Variants in GADL1 observed in about 807,000 individuals in gnomAD.
GADL1 encodes the protein GAD like acidic amino acid decarboxylase 1, also known as acidic amino acid decarboxylase GADL1.
A neutral mutation model predicts 69.5 loss-of-function variants in GADL1; 71 were observed. The ratio of observed to expected loss-of-function variants is 1.02; its 90% CI spans 0.84 to 1.25. GADL1 has a LOEUF of 1.25. Among genes scored for constraint, GADL1 ranks in the 50% most tolerant of loss-of-function variants. GADL1 has a pLI of 0.00. For synonymous variants in GADL1, 254 were observed against 214.4 expected (o/e 1.18, Z -1.62); for missense variants, 737 against 631.8 (o/e 1.17, Z -1.79).
intron 6 of GADL1, among the ~76,000 whole-genome samples, chr3:30,846,716 C>G (rs907585760): frequency 1.3e-5 from 2 of 152,138 alleles, no homozygotes; most frequent in Non-Finnish European, 2.9e-5. Flanking sequence ...CCCAAGAGGC[C>G]AGAACCAGAA....
intron 2 of GADL1, 61 bp from the exon 3 acceptor site, chr3:30,857,202 T>A (rs1196297244): frequency 6.9e-7 from 1 of 1,440,210 alleles, no homozygotes; most frequent in Non-Finnish European, 9.5e-7. Flanking sequence ...GAGAGGATGT[T>A]ACAAACGTGG....
At chr3:30,771,168 A>G (rs1696411675) in intron 14 of GADL1, among the ~76,000 whole-genome samples, 1 of 152,236 alleles carries the variant, frequency 6.6e-6, no homozygotes. Flanking sequence ...TAAAAGCGAG[A>G]AAAGCACTGA....
intron 14 of GADL1, among the ~76,000 whole-genome samples, chr3:30,769,421 G>T (rs758164633): frequency 9.2e-5 from 14 of 152,046 alleles, no homozygotes; most frequent in African/African-American, 2.2e-4. Context: ...CTTAGGTTAC[G>T]CAAAGAGGGA....
At chr3:30,771,598 A>G (rs1696420922) in intron 14 of GADL1, among the ~76,000 whole-genome samples, 1 of 151,098 alleles carries the variant, frequency 6.6e-6, no homozygotes, top group South Asian at 2.1e-4. Flanking sequence ...GATAACTACT[A>G]GGAAACAGGA....
chr3:30,808,741 C>A (rs997418767), intron 11 of GADL1, among the ~76,000 whole-genome samples: 1 of 152,194 alleles, frequency 6.6e-6, no homozygotes, highest in Admixed American at 6.5e-5. Context: ...CTCTTCATTT[C>A]TCTAAATGCA....
At chr3:30,787,379 A>G (rs1393748) in intron 12 of GADL1, among the ~76,000 whole-genome samples, 77,728 of 151,884 alleles carry the variant, frequency 0.51, 20,002 homozygotes, top group East Asian at 0.58. Context: ...TGCCCTATAT[A>G]ATATTGACTC....
intron 14 of GADL1, among the ~76,000 whole-genome samples, chr3:30,741,190 A>ATATG (rs747105488): frequency 0.024 from 3,235 of 132,574 alleles, 88 homozygotes; most frequent in African/African-American, 0.058. Flanking sequence ...TTATATAATT[A>ATATG]TGTGTGTGTG....
intron 1 of GADL1, among the ~76,000 whole-genome samples, chr3:30,893,235 C>T (rs544979209): frequency 5.9e-5 from 9 of 152,298 alleles, no homozygotes; most frequent in African/African-American, 2.2e-4. Context: ...TTTTCAGTGT[C>T]AGTTGTTTTT....
At chr3:30,756,467 T>C (rs1695972809) in intron 14 of GADL1, among the ~76,000 whole-genome samples, 1 of 152,206 alleles carries the variant, frequency 6.6e-6, no homozygotes, top group Non-Finnish European at 1.5e-5. Context: ...CTACCACTTT[T>C]TGCACTGTGC....
At chr3:30,839,514 C>CAAAAAAA (rs764490080) in intron 8 of GADL1, among the ~76,000 whole-genome samples, 3 of 105,678 alleles carry the variant, frequency 2.8e-5, no homozygotes, top group African/African-American at 1.5e-4. Flanking sequence ...GTCATCTTCT[C>CAAAAAAA]AAAAAAAAAA....
chr3:30,887,847 G>T lies in GADL1; in HGVS notation c.37+6731C>A, dbSNP rs1328214750. Among the ~76,000 whole-genome samples, 4 of 152,148 alleles carry T rather than the reference G, an allele frequency of 2.6e-5. No individual in the cohort carries two copies. In the East Asian group the frequency reaches 7.7e-4, roughly 29 times the overall value. On this transcript the variant is annotated intron_variant, in intron 1 of 14. Coordinates refer to ENST00000282538, the MANE Select transcript of GADL1 (RefSeq NM_207359.3). ...AAACTAAATTGTTATAACTAGCAAT[G>T]CATATATGAATGGTAAAACTATTTT...
intron 1 of GADL1, among the ~76,000 whole-genome samples, chr3:30,866,957 A>G (rs1698413171): frequency 6.6e-6 from 1 of 151,972 alleles, no homozygotes; most frequent in Non-Finnish European, 1.5e-5. Context: ...TTTTCATACA[A>G]TCCAATAATT....
At chr3:30,850,247 C>T (rs538097793) in intron 5 of GADL1, 136 bp from the exon 6 acceptor site, 64 of 649,266 alleles carry the variant, frequency 9.9e-5, no homozygotes, top group Non-Finnish European at 1.5e-4. Flanking sequence ...ACATGAACAC[C>T]GACCTCCCTG....
Position 30,844,209 on chromosome 3 carries a change from C to T in GADL1, c.786+1G>A, listed in dbSNP as rs779069971. On this transcript the variant is annotated splice_donor_variant, in intron 8 of 14. Transcript: ENST00000282538. LOFTEE classifies it high-confidence loss of function. The stretch of plus-strand genomic sequence containing the variant: ...CTCCCTCTCGCTTTCTCCCCTCTCA[C>T]CTCTTTTCTGGCTTGCCAGACTTGC... The T allele has an allele frequency of 9.3e-6, 15 of 1,611,986 alleles. No individual in the cohort carries two copies. The highest frequency in any genetic ancestry group is 8.5e-6 in the Non-Finnish European group (10 of 1,178,948).
chr3:30,827,336 A>G (rs944638348), intron 11 of GADL1, among the ~76,000 whole-genome samples: 1 of 151,784 alleles, frequency 6.6e-6, no homozygotes, highest in Admixed American at 6.6e-5. Flanking sequence ...ACCAGTACAC[A>G]TTTATGACTA....
intron 14 of GADL1, among the ~76,000 whole-genome samples, chr3:30,752,845 ATAAT>A (rs568623346): frequency 1.3e-3 from 187 of 142,180 alleles, no homozygotes; most frequent in Admixed American, 3.3e-3. Context: ...AGTTAACAAG[ATAAT>A]TAAGTTCTCA....
chr3:30,837,923 C>A (rs1196351665), intron 9 of GADL1, among the ~76,000 whole-genome samples: 3 of 152,076 alleles, frequency 2.0e-5, no homozygotes, highest in East Asian at 1.9e-4. Flanking sequence ...GAAGCAATAA[C>A]TCTAGTAAAC....
chr3:30,728,751 C>T (rs1695408638), intron 14 of GADL1, among the ~76,000 whole-genome samples: 1 of 152,062 alleles, frequency 6.6e-6, no homozygotes, highest in African/African-American at 2.4e-5. Context: ...AAGTGTAAAT[C>T]ATTATTCAAT....
chr3:30,786,213 CAT>C, intron 13 of GADL1, 140 bp downstream of exon 13: 1 of 663,356 alleles, frequency 1.5e-6, no homozygotes, highest in Non-Finnish European at 2.7e-6. Flanking sequence ...AGTAAATTAA[CAT>C]AATAGACTAT....
Sources: allele counts gnomAD v4.1 joint callset (sites outside exome capture counted in the v4.1 genomes callset), GRCh38; gene constraint gnomAD v4.1.1; transcripts MANE v1.5; gene names NCBI Gene and HGNC (gene_info 2026-07-23, HGNC 2026-07-21).